Variants in PPP1R42 observed in about 807,000 individuals in gnomAD.
PPP1R42 encodes protein phosphatase 1 regulatory subunit 42.
Under a neutral mutation model 31.0 loss-of-function variants are expected in PPP1R42, and 34 were observed. The ratio of observed to expected loss-of-function variants is 1.10; its 90% CI spans 0.83 to 1.46. The LOEUF (loss-of-function observed/expected upper bound fraction) is 1.46. PPP1R42 is among the 40% of genes most tolerant of loss of function. The pLI, the probability that PPP1R42 is intolerant of heterozygous loss-of-function variation, is 0.00. For missense variants in PPP1R42, 268 were observed against 303.0 expected, an observed-to-expected ratio of 0.88 and a Z score of 0.86; for synonymous variants, 103 against 109.8, an observed-to-expected ratio of 0.94 and a Z score of 0.39.
chr8:66,968,279 A>G (rs1814442255), intron 7 of PPP1R42, among the ~76,000 whole-genome samples: 1 of 152,226 alleles, frequency 6.6e-6, no homozygotes, highest in African/African-American at 2.4e-5. Context: ...CACAGATTGC[A>G]CACATTTATA....
intron 1 of PPP1R42, among the ~76,000 whole-genome samples, chr8:67,023,102 T>TTTGTTTTGTTTTGTTTTTTG (rs1342322127): frequency 1.3e-5 from 2 of 152,078 alleles, no homozygotes; most frequent in African/African-American, 4.8e-5. Flanking sequence ...CATGCATAAG[T>TTTGTTTTGTTTTGTTTTTTG]TTTTTGTTTT....
chr8:67,023,925 A>G (rs546801668), intron 1 of PPP1R42, among the ~76,000 whole-genome samples: 1 of 152,066 alleles, frequency 6.6e-6, no homozygotes, highest in African/African-American at 2.4e-5. Context: ...TGGGCAGATC[A>G]CGAGGCCAAG....
chr8:67,001,102 T>C (rs1275625014), intron 5 of PPP1R42, among the ~76,000 whole-genome samples: 1 of 152,124 alleles, frequency 6.6e-6, no homozygotes, highest in African/African-American at 2.4e-5. Flanking sequence ...TTTTATTTTA[T>C]ATTAATGTAG....
chr8:67,023,929 G>A (rs774665733), intron 1 of PPP1R42, among the ~76,000 whole-genome samples: 3 of 151,774 alleles, frequency 2.0e-5, no homozygotes, highest in Non-Finnish European at 4.4e-5. Flanking sequence ...CAGATCACGA[G>A]GCCAAGAGAT....
intron 1 of PPP1R42, chr8:67,021,244 C>T (rs1307461594): frequency 6.6e-6 from 1 of 152,086 alleles, no homozygotes; most frequent in East Asian, 1.9e-4. Flanking sequence ...TGTATACTCA[C>T]ACATTGGCAT....
chr8:66,972,608 G>A (rs762368545), intron 7 of PPP1R42, among the ~76,000 whole-genome samples: 1 of 151,912 alleles, frequency 6.6e-6, no homozygotes. Context: ...CAGGCTGGTC[G>A]TGAACTCCTG....
intron 1 of PPP1R42, among the ~76,000 whole-genome samples, chr8:67,018,825 C>CTT (rs1554542360): frequency 6.2e-5 from 3 of 48,404 alleles, no homozygotes; most frequent in East Asian, 7.9e-4. Flanking sequence ...CCCCCCCCCC[C>CTT]TTTTTTTTTT....
Position 67,016,977 on chromosome 8 carries a change from G to A in PPP1R42, c.129+642C>T, listed in dbSNP as rs140682221. On this transcript the variant is annotated intron_variant, in intron 2 of 7. Coordinates refer to ENST00000685739, the MANE Select transcript of PPP1R42 (RefSeq NM_001364910.1). ...TTTTACAATAATACAAAAGTAATTAGTATCTATGAAATTATTTCCCAACAT... is the reference window on the plus strand; with the variant it reads ...TTTTACAATAATACAAAAGTAATTAATATCTATGAAATTATTTCCCAACAT... Among the ~76,000 whole-genome samples, 400 of 152,084 alleles carry A rather than the reference G, an allele frequency of 2.6e-3. 6 individuals are homozygous for A. The highest frequency in any genetic ancestry group is 9.2e-3 in the African/African-American group (382 of 41,494).
At chr8:66,993,551 C>T (rs918416809) in intron 5 of PPP1R42, among the ~76,000 whole-genome samples, 2 of 152,310 alleles carry the variant, frequency 1.3e-5, no homozygotes, top group East Asian at 3.9e-4. Context: ...TGTTTCTTTT[C>T]TCTCAGAGCT....
chr8:66,984,254 C>G, intron 6 of PPP1R42: 1 of 1,474,340 alleles, frequency 6.8e-7, no homozygotes, highest in Non-Finnish European at 9.5e-7. Flanking sequence ...TTCATCTCTC[C>G]AAAGCTCCGG....
At chr8:66,976,611 G>GTT (rs561585989) in intron 7 of PPP1R42, among the ~76,000 whole-genome samples, 38 of 133,406 alleles carry the variant, frequency 2.8e-4, no homozygotes, top group Admixed American at 2.0e-3. Flanking sequence ...CAACTTTTTG[G>GTT]TTTTTTTTTT....
chr8:67,027,350 C>A (rs903096664), intron 1 of PPP1R42, among the ~76,000 whole-genome samples: 3 of 152,052 alleles, frequency 2.0e-5, no homozygotes, highest in Non-Finnish European at 4.4e-5. Flanking sequence ...AAATTAATGA[C>A]CTTAGATAAT....
At chr8:66,976,768 A>G (rs1814688004) in intron 7 of PPP1R42, among the ~76,000 whole-genome samples, 1 of 152,130 alleles carries the variant, frequency 6.6e-6, no homozygotes, top group Non-Finnish European at 1.5e-5. Flanking sequence ...ATAGTATTCC[A>G]TTGTGTATAT....
intron 5 of PPP1R42, among the ~76,000 whole-genome samples, chr8:66,999,174 CA>C (rs1373583782): frequency 6.6e-6 from 1 of 152,134 alleles, no homozygotes; most frequent in Non-Finnish European, 1.5e-5. Context: ...CCTCCCACCT[CA>C]GCCTCCTGTG....
rs1377030474 is a variant in PPP1R42 at position 67,017,650 on chromosome 8, ATATGAGT to A, written c.91_97del (p.Thr31Ter). 8 of 1,571,864 alleles carry A rather than the reference ATATGAGT, an allele frequency of 5.1e-6. No homozygotes were observed. Among genetic ancestry groups the A allele is most frequent in the Non-Finnish European group, 6.9e-6 (8 of 1,159,992 alleles). ...ATCTATATTTTTGTCTGAAAAATTT[ATATGAGT>A]TATTTTCTTCAGGCACTGTGAAATG... On this transcript the variant is annotated frameshift_variant, in exon 2 of 8. Coordinates refer to ENST00000685739, the MANE Select transcript of PPP1R42 (RefSeq NM_001364910.1). LOFTEE classifies it high-confidence loss of function.
At chr8:67,017,034 AGTG>A (rs1283494096) in intron 2 of PPP1R42, among the ~76,000 whole-genome samples, 9 of 152,202 alleles carry the variant, frequency 5.9e-5, no homozygotes, top group Non-Finnish European at 1.2e-4. Flanking sequence ...TACACTATAC[AGTG>A]TTGTAGGAGA....
intron 7 of PPP1R42, among the ~76,000 whole-genome samples, chr8:66,978,548 G>C (rs1814739292): frequency 6.6e-6 from 1 of 152,174 alleles, no homozygotes; most frequent in South Asian, 2.1e-4. Context: ...AGCCTTCCAA[G>C]TAGCTGGAAT....
At chr8:66,968,025 G>A (rs1421665569) in intron 7 of PPP1R42, among the ~76,000 whole-genome samples, 1 of 152,064 alleles carries the variant, frequency 6.6e-6, no homozygotes, top group Non-Finnish European at 1.5e-5. Flanking sequence ...AGTATTTACT[G>A]TGACAAACAC....
intron 7 of PPP1R42, among the ~76,000 whole-genome samples, chr8:66,965,992 T>C (rs1220229866): frequency 6.6e-6 from 1 of 152,190 alleles, no homozygotes. Flanking sequence ...ATTTTTGCAT[T>C]CCAGCCAGTA....
Sources: allele counts gnomAD v4.1 joint callset (sites outside exome capture counted in the v4.1 genomes callset), GRCh38; gene constraint gnomAD v4.1.1; transcripts MANE v1.5; gene names NCBI Gene and HGNC (gene_info 2026-07-23, HGNC 2026-07-21).